The following SARS2 variants were observed in gnomAD, a reference collection of about 807,000 sequenced individuals.
The protein encoded by SARS2 is serine--tRNA ligase, mitochondrial.
In SARS2, 52 loss-of-function variants were observed where a neutral mutation model predicts 66.8. The ratio of observed to expected loss-of-function variants is 0.78; its 90% CI spans 0.62 to 0.98. The LOEUF is 0.98. SARS2 is among the 50% of genes least tolerant of loss of function. The probability of loss-of-function intolerance (pLI) is 0.00; values close to 1 mark genes in which losing one functional copy is unlikely to be tolerated. For synonymous variants in SARS2, 306 were observed against 281.4 expected (o/e 1.09, Z -0.87); for missense variants, 673 against 706.3 (o/e 0.95, Z 0.53).
chr19:38,918,452 G>C lies in SARS2; in HGVS notation c.886C>G (p.Leu296Val). The change falls in exon 9 of 16, where the codon CTG becomes GTG. Residue 296 changes from leucine to valine, a missense_variant. By Grantham distance (32) the Leu-to-Val change is conservative. Coordinates refer to ENST00000221431, the MANE Select transcript of SARS2 (RefSeq NM_017827.4). ...IDPARFKDLNLAGTAEVGLAG... is the reference protein window; with the variant it reads ...IDPARFKDLNVAGTAEVGLAG... ...AGCCCCACCTCCGCTGTTCCAGCCA[G>C]GTTGAGATCTTTGAAGCGGGCAGGG... The C allele has an allele frequency of 6.2e-7, 1 of 1,614,188 alleles. No homozygotes were observed. Among genetic ancestry groups the C allele is most frequent in the South Asian group, 1.1e-5 (1 of 91,082 alleles).
intron 1 of SARS2, among the ~76,000 whole-genome samples, chr19:38,927,623 G>T (rs1338687523): frequency 6.6e-6 from 1 of 152,058 alleles, no homozygotes; most frequent in African/African-American, 2.4e-5. Flanking sequence ...CTGCCATACG[G>T]TTTTCCATGG....
intron 5 of SARS2, among the ~76,000 whole-genome samples, chr19:38,921,104 A>G (rs1381717433): frequency 6.6e-6 from 1 of 151,214 alleles, no homozygotes; most frequent in African/African-American, 2.4e-5. Context: ...CATGACACAC[A>G]GTCACACAAC....
At chr19:38,930,030 G>A (rs566455064) in intron 1 of SARS2, 10 of 172,198 alleles carry the variant, frequency 5.8e-5, no homozygotes, top group African/African-American at 2.1e-4. Context: ...TGCCTGCTAT[G>A]TGTGGCGGAG....
intron 2 of SARS2, among the ~76,000 whole-genome samples, chr19:38,923,720 C>T (rs1181043074): frequency 6.9e-6 from 1 of 144,074 alleles, no homozygotes; most frequent in Admixed American, 7.5e-5. Context: ...GTGGCTTACG[C>T]CTGTAATCCC....
intron 9 of SARS2, 28 bp downstream of exon 9, chr19:38,918,394 C>T (rs1297378389): frequency 1.9e-6 from 3 of 1,588,360 alleles, no homozygotes; most frequent in South Asian, 1.1e-5. Context: ...CACTCCTGCT[C>T]CTCCCCACCA....
At chr19:38,920,514 G>A (rs767732730) in intron 5 of SARS2, among the ~76,000 whole-genome samples, 6 of 151,802 alleles carry the variant, frequency 4.0e-5, no homozygotes, top group Non-Finnish European at 8.8e-5. Context: ...AAAAAGCCCC[G>A]GAGACAGGGA....
chr19:38,924,839 A>G (rs1346429744), intron 2 of SARS2, among the ~76,000 whole-genome samples: 4 of 152,270 alleles, frequency 2.6e-5, no homozygotes, highest in Admixed American at 6.5e-5. Context: ...TTAGGGCCTC[A>G]CTTTTTCCCA....
intron 8 of SARS2, 33 bp downstream of exon 8, chr19:38,918,733 G>T: frequency 6.4e-7 from 1 of 1,553,974 alleles, no homozygotes; most frequent in Non-Finnish European, 8.7e-7. Flanking sequence ...CTGACACCCA[G>T]GTGGGCGAGG....
intron 7 of SARS2, 114 bp from the exon 8 acceptor site, chr19:38,918,927 G>A (rs1400365555): frequency 2.8e-6 from 3 of 1,082,604 alleles, no homozygotes; most frequent in Non-Finnish European, 4.1e-6. Flanking sequence ...ACTGAGGCAG[G>A]GGCTGGCGCA....
At chr19:38,920,016 G>A in intron 6 of SARS2, 70 bp downstream of exon 6, 1 of 1,444,632 alleles carries the variant, frequency 6.9e-7, no homozygotes. Context: ...TGAGGCCAAT[G>A]AGGCAGGAGC....
At chr19:38,924,523 A>G (rs895094557) in intron 2 of SARS2, among the ~76,000 whole-genome samples, 5 of 152,220 alleles carry the variant, frequency 3.3e-5, no homozygotes, top group African/African-American at 1.2e-4. Context: ...CTGGCCACTC[A>G]GTAGGTGCTG....
At chr19:38,921,918 A>G in intron 3 of SARS2, 1 of 1,488,892 alleles carries the variant, frequency 6.7e-7, no homozygotes, top group South Asian at 1.2e-5. Context: ...CAGGCACCTG[A>G]TGTCAGCTGA....
Position 38,920,722 on chromosome 19 carries a change from G to A in SARS2, c.590-573C>T, listed in dbSNP as rs111212156. On this transcript the variant is annotated intron_variant, in intron 5 of 15. Transcript: ENST00000221431. ...ACACAAAGACAGACACGCACACACA[G>A]ATACACACAAAGACACAGATACACA... is the stretch of plus-strand genomic sequence containing the variant. 2.7e-5 allele frequency among the ~76,000 whole-genome samples: 4 copies of A among 149,966 alleles called. 2 individuals are homozygous for A. The highest frequency in any genetic ancestry group is 9.8e-5 in the African/African-American group (4 of 40,664).
At chr19:38,922,156 T>A in intron 3 of SARS2, 82 bp downstream of exon 3, 1 of 1,601,380 alleles carries the variant, frequency 6.2e-7, no homozygotes, top group Non-Finnish European at 8.6e-7. Context: ...TTGTTTTCTG[T>A]TACAATAGTA....
chr19:38,927,502 G>A (rs1457311549), intron 1 of SARS2, among the ~76,000 whole-genome samples: 6 of 151,746 alleles, frequency 4.0e-5, no homozygotes, highest in African/African-American at 9.7e-5. Context: ...GAAGTCTCAC[G>A]GAGCCTGAGA....
intron 2 of SARS2, among the ~76,000 whole-genome samples, chr19:38,923,561 G>A (rs1000919376): frequency 7.2e-5 from 11 of 152,004 alleles, no homozygotes; most frequent in Non-Finnish European, 1.5e-4. Context: ...GGGGCCAGGC[G>A]TGGTGGTTCA....
At chr19:38,922,139 G>C in intron 3 of SARS2, 99 bp downstream of exon 3, 1 of 1,598,588 alleles carries the variant, frequency 6.3e-7, no homozygotes, top group Non-Finnish European at 8.6e-7. Flanking sequence ...CCTTAAACCT[G>C]TTTGAGTTGT....
In SARS2 at chr19:38,915,535, G is replaced by C. The variant is rs1974393731; in HGVS notation, c.*71C>G. On this transcript the variant is annotated 3_prime_UTR_variant, in exon 16 of 16. Transcript: ENST00000221431. ...TGTCAGGACGGGCTCAGCAACACAG[G>C]TCCCAGGTGTCCGGGGTCTCCTGAA... 1 of 1,572,740 alleles carries C rather than the reference G, an allele frequency of 6.4e-7. No homozygotes were observed.
chr19:38,917,619 G>T, intron 12 of SARS2, 105 bp downstream of exon 12: 1 of 786,430 alleles, frequency 1.3e-6, no homozygotes, highest in South Asian at 1.4e-5. Flanking sequence ...TGGGGGCAAC[G>T]AGGGGGCTGG....
Sources: gnomAD v4.1 joint callset for allele counts (sites outside exome capture counted in the v4.1 genomes callset) on GRCh38, gnomAD v4.1.1 for gene constraint, MANE v1.5 for transcripts, NCBI Gene and HGNC (gene_info 2026-07-23, HGNC 2026-07-21) for gene names.